ASTN2: variants seen among roughly 807,000 people sequenced by gnomAD.
The protein encoded by ASTN2 is astrotactin-2.
ASTN2 carries 54 observed loss-of-function variants against 139.8 expected under a neutral mutation model. The ratio of observed to expected loss-of-function variants is 0.39; its 90% CI spans 0.31 to 0.48. ASTN2 has a LOEUF of 0.48. Among genes scored for constraint, ASTN2 ranks in the 20% least tolerant of loss-of-function variants. The pLI, the probability that ASTN2 is intolerant of heterozygous loss-of-function variation, is 0.95. For missense variants in ASTN2, 1,565 were observed against 1,725.1 expected (o/e 0.91, Z 1.64); for synonymous variants, 756 against 719.5 (o/e 1.05, Z -0.81).
intron 2 of ASTN2, among the ~76,000 whole-genome samples, chr9:117,285,024 C>T (rs1383259936): frequency 2.6e-5 from 4 of 152,200 alleles, no homozygotes; most frequent in African/African-American, 9.6e-5. Flanking sequence ...TCACACTAAG[C>T]ACTGTAAAAG....
intron 19 of ASTN2, among the ~76,000 whole-genome samples, chr9:116,496,380 G>A (rs1044483370): frequency 6.6e-6 from 1 of 152,184 alleles, no homozygotes; most frequent in Non-Finnish European, 1.5e-5. Context: ...CTGGAAAGCA[G>A]AGCTTAAGAA....
chr9:117,365,073 C>A (rs891693308), intron 1 of ASTN2, among the ~76,000 whole-genome samples: 2 of 151,470 alleles, frequency 1.3e-5, no homozygotes, highest in Non-Finnish European at 2.9e-5. Context: ...TGCTTGAACC[C>A]TGGAGGTAGA....
chr9:116,579,746 AACCCCGGCTCTGCTGTGCC>A (rs1208948899), intron 19 of ASTN2, among the ~76,000 whole-genome samples: 1 of 152,166 alleles, frequency 6.6e-6, no homozygotes, highest in Non-Finnish European at 1.5e-5. Flanking sequence ...AAAATAAAAT[AACCCCGGCTCTGCTGTGCC>A]ATAGGTGTGG....
chr9:117,195,999 T>C (rs1290753125), intron 3 of ASTN2, among the ~76,000 whole-genome samples: 2 of 152,182 alleles, frequency 1.3e-5, no homozygotes, highest in African/African-American at 2.4e-5. Flanking sequence ...AGCAAGCCCA[T>C]GGTTGCTGTG....
chr9:117,301,431 G>T (rs995075083), intron 1 of ASTN2, among the ~76,000 whole-genome samples: 2 of 152,102 alleles, frequency 1.3e-5, no homozygotes, highest in Non-Finnish European at 2.9e-5. Context: ...ATTCATTGTC[G>T]CATTTAGCCC....
At chr9:117,000,217 T>C (rs1248510162) in intron 7 of ASTN2, among the ~76,000 whole-genome samples, 2 of 152,212 alleles carry the variant, frequency 1.3e-5, no homozygotes, top group African/African-American at 4.8e-5. Context: ...AAGTTGAAAT[T>C]ATTCTTCTCA....
intron 19 of ASTN2, among the ~76,000 whole-genome samples, chr9:116,540,038 C>G (rs1542987): frequency 0.61 from 93,438 of 152,042 alleles, 29,406 homozygotes; most frequent in African/African-American, 0.74. Context: ...TAAAATGAAT[C>G]GCATCTTGAT....
chr9:117,360,981 C>T (rs926219412), intron 1 of ASTN2, among the ~76,000 whole-genome samples: 1 of 152,074 alleles, frequency 6.6e-6, no homozygotes, highest in African/African-American at 2.4e-5. Flanking sequence ...ATCCTCAGGA[C>T]TTAAATCCCC....
At chr9:117,166,498 G>C (rs185707174) in intron 3 of ASTN2, among the ~76,000 whole-genome samples, 1 of 152,214 alleles carries the variant, frequency 6.6e-6, no homozygotes, top group Admixed American at 6.5e-5. Context: ...TTACAGCCTG[G>C]TCTATAACAG....
At chr9:116,647,168 A>C (rs1046909013) in intron 17 of ASTN2, among the ~76,000 whole-genome samples, 3 of 152,100 alleles carry the variant, frequency 2.0e-5, no homozygotes, top group Non-Finnish European at 4.4e-5. Context: ...CTTGCAATCC[A>C]CCAGCCTAGT....
At chr9:117,301,059 T>C (rs1360963984) in intron 1 of ASTN2, among the ~76,000 whole-genome samples, 1 of 152,138 alleles carries the variant, frequency 6.6e-6, no homozygotes, top group Non-Finnish European at 1.5e-5. Context: ...TTAAGAGCTA[T>C]TGGCAAGGGA....
intron 22 of ASTN2, among the ~76,000 whole-genome samples, chr9:116,435,934 A>C (rs190704457): frequency 1.3e-5 from 2 of 152,212 alleles, no homozygotes; most frequent in African/African-American, 4.8e-5. Flanking sequence ...GGAATGTAAC[A>C]AGTCCTCAGG....
chr9:116,575,228 G>A (rs1299337004), intron 19 of ASTN2, among the ~76,000 whole-genome samples: 1 of 150,816 alleles, frequency 6.6e-6, no homozygotes, highest in Non-Finnish European at 1.5e-5. Context: ...GTAAAATTAT[G>A]TTTTTAATAA....
intron 11 of ASTN2, among the ~76,000 whole-genome samples, chr9:116,836,621 T>C (rs1202787055): frequency 6.6e-6 from 1 of 151,812 alleles, no homozygotes; most frequent in Non-Finnish European, 1.5e-5. Context: ...CCTTCACATG[T>C]ACCTACTGGC....
At chr9:116,861,645 G>A (rs149989583) in intron 11 of ASTN2, among the ~76,000 whole-genome samples, 2 of 152,302 alleles carry the variant, frequency 1.3e-5, no homozygotes, top group East Asian at 1.9e-4. Context: ...TGCATTTCAG[G>A]TGTAGCTGCC....
chr9:116,842,575 C>T (rs1451137380), intron 11 of ASTN2, among the ~76,000 whole-genome samples: 3 of 151,990 alleles, frequency 2.0e-5, no homozygotes, highest in Non-Finnish European at 1.5e-5. Flanking sequence ...CACTCAGCCT[C>T]AATCTGTCAA....
intron 20 of ASTN2, among the ~76,000 whole-genome samples, chr9:116,472,722 A>C: frequency 6.6e-6 from 1 of 151,264 alleles, no homozygotes; most frequent in Non-Finnish European, 1.5e-5. Flanking sequence ...TGGCCGACAT[A>C]GCAAAACCCA....
At chr9:116,743,036 T>C (rs1829135428) in intron 13 of ASTN2, among the ~76,000 whole-genome samples, 1 of 151,862 alleles carries the variant, frequency 6.6e-6, no homozygotes, top group Non-Finnish European at 1.5e-5. Flanking sequence ...ACATAGCAAA[T>C]ACCAGCAAGG....
intron 11 of ASTN2, among the ~76,000 whole-genome samples, chr9:116,847,347 C>T (rs1233183125): frequency 7.2e-5 from 11 of 152,236 alleles, no homozygotes; most frequent in African/African-American, 2.2e-4. Flanking sequence ...ATCTCTTGAC[C>T]TTGTGATCTA....
Sources: gnomAD v4.1 joint callset for allele counts (sites outside exome capture counted in the v4.1 genomes callset) on GRCh38, gnomAD v4.1.1 for gene constraint, MANE v1.5 for transcripts, NCBI Gene and HGNC (gene_info 2026-07-23, HGNC 2026-07-21) for gene names.